The following CDC16 variants were observed in gnomAD, a reference collection of about 807,000 sequenced individuals.
CDC16 encodes cell division cycle 16.
In CDC16, 34 loss-of-function variants were observed where a neutral mutation model predicts 87.0. That is an observed-to-expected ratio of 0.39 (90% confidence interval 0.30 to 0.52). The LOEUF is 0.52. Ranked by LOEUF, CDC16 falls within the 20% of genes least tolerant of loss-of-function variation. The pLI, the probability that CDC16 is intolerant of heterozygous loss-of-function variation, is 0.74. For synonymous variants in CDC16, 263 were observed against 260.6 expected (o/e 1.01, Z -0.09); for missense variants, 653 against 751.9 (o/e 0.87, Z 1.54).
chr13:114,256,648 G>A (rs923675536), intron 12 of CDC16, among the ~76,000 whole-genome samples: 17 of 152,300 alleles, frequency 1.1e-4, no homozygotes, highest in African/African-American at 3.8e-4. Flanking sequence ...AGAAGGGAGA[G>A]CATTTATGTT....
chr13:114,250,322 A>G (rs1007911898), intron 11 of CDC16, among the ~76,000 whole-genome samples: 2 of 152,098 alleles, frequency 1.3e-5, no homozygotes, highest in African/African-American at 4.8e-5. Context: ...GTGAAACCCC[A>G]TCTCTACTGT....
intron 17 of CDC16, among the ~76,000 whole-genome samples, chr13:114,265,733 T>C (rs908878688): frequency 6.6e-6 from 1 of 152,236 alleles, no homozygotes; most frequent in African/African-American, 2.4e-5. Context: ...TTATAAACAT[T>C]ATGTGATAAG....
chr13:114,258,138 A>G (rs1400062335), intron 13 of CDC16, among the ~76,000 whole-genome samples: 6 of 152,230 alleles, frequency 3.9e-5, no homozygotes, highest in Admixed American at 3.9e-4. Context: ...ATGTGTTCTA[A>G]AAAATGGGTT....
intron 17 of CDC16, among the ~76,000 whole-genome samples, 154 bp from the exon 18 acceptor site, chr13:114,272,030 G>T (rs1199001520): frequency 6.6e-6 from 1 of 152,158 alleles, no homozygotes; most frequent in African/African-American, 2.4e-5. Flanking sequence ...GATAGAGATG[G>T]TGTATAATGA....
At chr13:114,246,099 T>G (rs371610353) in intron 10 of CDC16, 50 bp downstream of exon 10, 2 of 832,838 alleles carry the variant, frequency 2.4e-6, no homozygotes, top group African/African-American at 1.8e-5. Context: ...ACCTGTACTT[T>G]AAGAAAATGC....
chr13:114,267,019 G>GCTGTGATGT (rs2083272156), intron 17 of CDC16, among the ~76,000 whole-genome samples: 1 of 152,096 alleles, frequency 6.6e-6, no homozygotes, highest in Admixed American at 6.6e-5. Flanking sequence ...CTTACAGGGG[G>GCTGTGATGT]CTGTGATGTC....
At chr13:114,235,356 G>T (rs1350829195) in intron 1 of CDC16, among the ~76,000 whole-genome samples, 2 of 152,326 alleles carry the variant, frequency 1.3e-5, no homozygotes, top group Non-Finnish European at 2.9e-5. Context: ...CCGAGCGCAC[G>T]GGGCGCCTCA....
At chr13:114,236,148 C>G (rs2081240028) in intron 1 of CDC16, among the ~76,000 whole-genome samples, 1 of 152,122 alleles carries the variant, frequency 6.6e-6, no homozygotes, top group Non-Finnish European at 1.5e-5. Flanking sequence ...TGAGTTCTTC[C>G]CCATGTTCAG....
chr13:114,234,993 AGGCACGGGCACG>A lies in CDC16; in HGVS notation c.-83_-72del, dbSNP rs530325430. The A allele has an allele frequency of 5.7e-6, 5 of 872,568 alleles. No individual in the cohort carries two copies. The highest frequency in any genetic ancestry group is 7.4e-6 in the Non-Finnish European group (5 of 678,122). 54.1% of individuals were successfully genotyped at this position (872,568 alleles called of 1,614,324 possible). ...GTCCTGGGGCGGCGGCGGCGGCTGC[AGGCACGGGCACG>A]GGCACGGGGCGGGGTGCTTAGGGTG... On this transcript the variant is annotated 5_prime_UTR_variant, in exon 1 of 18. Coordinates refer to ENST00000356221, the MANE Select transcript of CDC16 (RefSeq NM_001078645.3).
chr13:114,244,318 G>C (rs2081728447), intron 8 of CDC16, among the ~76,000 whole-genome samples: 1 of 152,158 alleles, frequency 6.6e-6, no homozygotes, highest in Non-Finnish European at 1.5e-5. Flanking sequence ...GTAGATACTA[G>C]GTGTTTAATA....
chr13:114,246,454 A>G (rs1010931190), intron 10 of CDC16, among the ~76,000 whole-genome samples: 3 of 152,214 alleles, frequency 2.0e-5, no homozygotes, highest in Admixed American at 1.3e-4. Context: ...CCAAACTGTC[A>G]TGGATCGGAA....
chr13:114,259,124 A>G lies in CDC16; in HGVS notation c.1251-211A>G, dbSNP rs552387566. ...AAAAAAAAAAAAAAAAGGAATATAA[A>G]TACTGTATCTCCCAAAATCTTGAAA... On this transcript the variant is annotated intron_variant, in intron 13 of 17. Coordinates refer to ENST00000356221, the MANE Select transcript of CDC16 (RefSeq NM_001078645.3). 4.6e-4 allele frequency among the ~76,000 whole-genome samples: 70 copies of G among 151,870 alleles called. 1 individual carries two copies. Among genetic ancestry groups the G allele is most frequent in the African/African-American group, 1.6e-3 (66 of 41,426 alleles).
chr13:114,250,507 A>G (rs758712555), intron 11 of CDC16, 42 bp from the exon 12 acceptor site: 26 of 1,531,658 alleles, frequency 1.7e-5, no homozygotes, highest in Non-Finnish European at 1.5e-5. Flanking sequence ...AAAAAAAAAA[A>G]GAATAAATAC....
In CDC16 at chr13:114,265,167, A is replaced by C; in HGVS notation, c.1530A>C (p.Arg510=). ...TATGGCAGGCCCTTGGTCTTAGGCGAGATGATACATTTTCTGTTACAATGC... is the reference window on the plus strand; with the variant it reads ...TATGGCAGGCCCTTGGTCTTAGGCGCGATGATACATTTTCTGTTACAATGC... ...DYFHTALGLR[R]DDTFSVTMLG... Residue 510 remains arginine, a synonymous_variant, in exon 17 of 18, where the codon CGA becomes CGC. Coordinates refer to ENST00000356221, the MANE Select transcript of CDC16 (RefSeq NM_001078645.3). The C allele has an allele frequency of 1.2e-6, 2 of 1,610,934 alleles. No individual in the cohort carries two copies. The highest frequency in any genetic ancestry group is 1.7e-6 in the Non-Finnish European group (2 of 1,177,082).
chr13:114,262,429 T>TC (rs17291473), intron 15 of CDC16, among the ~76,000 whole-genome samples: 3,717 of 152,352 alleles, frequency 0.024, 156 homozygotes, highest in African/African-American at 0.085. Context: ...AACATTTTTT[T>TC]CACAAAAGAC....
intron 13 of CDC16, 138 bp downstream of exon 13, chr13:114,257,368 G>GA (rs990635287): frequency 9.7e-5 from 57 of 590,668 alleles, no homozygotes; most frequent in East Asian, 2.4e-4. Context: ...GAAGGAGATA[G>GA]AAAAAAAAGA....
chr13:114,270,765 C>T (rs936562674), intron 17 of CDC16, among the ~76,000 whole-genome samples: 1 of 152,140 alleles, frequency 6.6e-6, no homozygotes, highest in South Asian at 2.1e-4. Flanking sequence ...CAGCTCTGCC[C>T]CTCGGCAGCC....
chr13:114,253,755 T>A (rs1471587174), intron 12 of CDC16, among the ~76,000 whole-genome samples: 1 of 152,150 alleles, frequency 6.6e-6, no homozygotes, highest in Non-Finnish European at 1.5e-5. Flanking sequence ...TGTTCCAGAT[T>A]ATTTGAGAAT....
chr13:114,239,660 C>T (rs2081444667), intron 5 of CDC16, among the ~76,000 whole-genome samples, 170 bp downstream of exon 5: 1 of 152,172 alleles, frequency 6.6e-6, no homozygotes, highest in Non-Finnish European at 1.5e-5. Flanking sequence ...TTTCTGAGCC[C>T]TTAGTTGCAA....
Sources: gnomAD v4.1 joint callset for allele counts (sites outside exome capture counted in the v4.1 genomes callset) on GRCh38, gnomAD v4.1.1 for gene constraint, MANE v1.5 for transcripts, NCBI Gene and HGNC (gene_info 2026-07-23, HGNC 2026-07-21) for gene names.